Variants in CREB3L3 observed in about 807,000 individuals in gnomAD.
CREB3L3 encodes the protein cyclic AMP-responsive element-binding protein 3-like protein 3.
A neutral mutation model predicts 44.6 loss-of-function variants in CREB3L3; 40 were observed. The ratio of observed to expected loss-of-function variants is 0.90; its 90% CI spans 0.70 to 1.17. CREB3L3 has a LOEUF of 1.17. Among genes scored for constraint, CREB3L3 ranks in the 50% most tolerant of loss-of-function variants. The pLI is 0.00. For missense variants in CREB3L3, 578 were observed against 595.8 expected (o/e 0.97, Z 0.31); for synonymous variants, 273 against 256.3 (o/e 1.06, Z -0.62).
intron 5 of CREB3L3, among the ~76,000 whole-genome samples, chr19:4,166,634 A>G (rs2145135908): frequency 6.6e-6 from 1 of 150,860 alleles, no homozygotes; most frequent in Admixed American, 6.6e-5. Context: ...GGCCTCAAGC[A>G]GTCCTCTGAC....
At chr19:4,159,532 C>CTCA in intron 3 of CREB3L3, 132 bp from the exon 4 acceptor site, 1 of 705,036 alleles carries the variant, frequency 1.4e-6, no homozygotes, top group Non-Finnish European at 2.6e-6. Context: ...GGACTCCAAA[C>CTCA]TCTGGCAGAA....
Position 4,164,581 on chromosome 19 carries a change from GAGA to G in CREB3L3, c.661_663del (p.Lys221del), listed in dbSNP as rs1411751544. 6.2e-7 allele frequency: 1 copy of G among 1,614,150 alleles called. No homozygotes were observed. The highest frequency in any genetic ancestry group is 1.1e-5 in the South Asian group (1 of 91,082). On this transcript the variant is annotated inframe_deletion, in exon 5 of 10. Transcript: ENST00000078445. The stretch of plus-strand genomic sequence containing the variant: ...TCAGGAGCTGGTGCTCACCGAGGAT[GAGA>G]AGAAGCTGCTGGCTAAAGAAGGCAT...
intron 5 of CREB3L3, 151 bp downstream of exon 5, chr19:4,164,791 C>A (rs2041704908): frequency 1.1e-6 from 1 of 948,974 alleles, no homozygotes; most frequent in Non-Finnish European, 1.6e-6. Flanking sequence ...TTGCTGCAAC[C>A]TCTGCCTCTC....
chr19:4,154,958 G>C lies in CREB3L3; in HGVS notation c.87G>C (p.Leu29=). The change falls in exon 2 of 10, where the codon CTG becomes CTC. Residue 29 remains leucine (L), a synonymous_variant. Transcript: ENST00000078445. Reference sequence around the variant, plus strand: ...ACAGCTTTGAGCTCCTGGATCTCCTGTTTGACCGGCAGGACGGCATCCTGA... The same window carrying C: ...ACAGCTTTGAGCTCCTGGATCTCCTCTTTGACCGGCAGGACGGCATCCTGA... ...PIDSFELLDL[L]FDRQDGILRH... 1 of 1,613,586 alleles carries C rather than the reference G, an allele frequency of 6.2e-7. No individual in the cohort carries two copies. Among genetic ancestry groups the C allele is most frequent in the Non-Finnish European group, 8.5e-7 (1 of 1,180,022 alleles).
At chr19:4,163,012 A>G (rs976145667) in intron 4 of CREB3L3, among the ~76,000 whole-genome samples, 1 of 151,872 alleles carries the variant, frequency 6.6e-6, no homozygotes, top group Admixed American at 6.6e-5. Flanking sequence ...TGAAAAGAAG[A>G]AAGCTGTCAA....
In CREB3L3 at chr19:4,171,674, A is replaced by G. The variant is rs751495738; in HGVS notation, c.1091A>G (p.His364Arg). 1 of 1,613,232 alleles carries G rather than the reference A, an allele frequency of 6.2e-7. No homozygotes were observed. Among genetic ancestry groups the G allele is most frequent in the Non-Finnish European group, 8.5e-7 (1 of 1,179,988 alleles). The change falls in exon 10 of 10, where the codon CAC (histidine) becomes CGC (arginine). Residue 364 changes from histidine to arginine, a missense_variant. By Grantham distance (29) the His-to-Arg change is conservative (BLOSUM62 0). Transcript: ENST00000078445. The surrounding 1 kb of genome is among the most constrained non-coding windows in gnomAD (Gnocchi z 4.9). ...CAATCAGTGTTCTCCAGAACTTTGC[A>G]CAACGATGCTGCCTCCCGCGTGGCT... Reference protein sequence around the residue: ...APVRVFSRTLHNDAASRVAAD... With the variant: ...APVRVFSRTLRNDAASRVAAD...
At position 4,154,963 on chromosome 19, in the gene CREB3L3, A is replaced by G; in HGVS notation, c.92A>G (p.Asp31Gly). Residue 31 changes from aspartate to glycine, a missense_variant, in exon 2 of 10, where the codon GAC becomes GGC. Transcript: ENST00000078445. ...TTTGAGCTCCTGGATCTCCTGTTTG[A>G]CCGGCAGGACGGCATCCTGAGACAC... ...DSFELLDLLF[D>G]RQDGILRHVE... is the part of the protein sequence containing the mutation. 6.2e-7 allele frequency: 1 copy of G among 1,613,248 alleles called. No homozygotes were observed. Among genetic ancestry groups the G allele is most frequent in the Non-Finnish European group, 8.5e-7 (1 of 1,179,998 alleles).
At position 4,172,052 on chromosome 19, in the gene CREB3L3, T is replaced by C; in HGVS notation, c.*83T>C. On this transcript the variant is annotated 3_prime_UTR_variant, in exon 10 of 10. Coordinates refer to ENST00000078445, the MANE Select transcript of CREB3L3 (RefSeq NM_032607.3). ...CACTGGGCAGCTACCCACCTGGGGA[T>C]GGGACGTGAGGCCAAGACCCCAGCA... 1 of 1,384,592 alleles carries C rather than the reference T, an allele frequency of 7.2e-7. No individual in the cohort carries two copies. The highest frequency in any genetic ancestry group is 9.7e-7 in the Non-Finnish European group (1 of 1,034,800). 85.8% of individuals were successfully genotyped at this position (1,384,592 alleles called of 1,614,324 possible).
At chr19:4,168,744 G>T (rs939032910) in intron 6 of CREB3L3, among the ~76,000 whole-genome samples, 2 of 152,006 alleles carry the variant, frequency 1.3e-5, no homozygotes, top group Non-Finnish European at 2.9e-5. Flanking sequence ...CTTCCTTTTT[G>T]TGTGTGTGGA....
In CREB3L3 at chr19:4,172,787, C is replaced by T; in HGVS notation, c.*818C>T. The T allele has an allele frequency of 5.3e-6, 1 of 189,686 alleles. No individual in the cohort carries two copies. Among genetic ancestry groups the T allele is most frequent in the South Asian group, 8.3e-5 (1 of 12,096 alleles). 11.8% of individuals were successfully genotyped at this position (189,686 alleles called of 1,614,324 possible). On this transcript the variant is annotated 3_prime_UTR_variant, in exon 10 of 10. Transcript: ENST00000078445. ...CAGACAGAGAGACAGGCAGACACAG[C>T]CTAAAACAGACCTGGACAGACAGGC...
chr19:4,164,452 A>G lies in CREB3L3; in HGVS notation c.577-51A>G, dbSNP rs1270449899. On this transcript the variant is annotated intron_variant, in intron 4 of 9. Coordinates refer to ENST00000078445, the MANE Select transcript of CREB3L3 (RefSeq NM_032607.3). ...ATCTGATACCTCTTTCATTTCCTGA[A>G]GGCAGTTGGCGTCCCTGCACCCGCC... The G allele has an allele frequency of 1.9e-6, 3 of 1,611,066 alleles. No individual in the cohort carries two copies. The Admixed American group carries it at 5.0e-5, about 27-fold the overall frequency.
At chr19:4,165,547 C>T (rs1356178397) in intron 5 of CREB3L3, among the ~76,000 whole-genome samples, 7 of 151,970 alleles carry the variant, frequency 4.6e-5, no homozygotes, top group South Asian at 2.1e-4. Flanking sequence ...TTTTTCTGAC[C>T]GGTAGATTTT....
chr19:4,157,415 A>T, intron 3 of CREB3L3, 120 bp downstream of exon 3: 1 of 1,120,008 alleles, frequency 8.9e-7, no homozygotes, highest in South Asian at 1.3e-5. Context: ...AGCAATTTGG[A>T]GCTGGGCCCA....
intron 6 of CREB3L3, among the ~76,000 whole-genome samples, chr19:4,169,775 T>C (rs1967002660): frequency 1.3e-5 from 2 of 151,780 alleles, no homozygotes; most frequent in Non-Finnish European, 1.5e-5. Flanking sequence ...AATTTTGCAT[T>C]TTTAGTACAG....
At position 4,159,276 on chromosome 19, in the gene CREB3L3, G is replaced by A. The variant is rs374835231; in HGVS notation, c.458-388G>A. Among the ~76,000 whole-genome samples the A allele has an allele frequency of 4.6e-5, 7 of 151,856 alleles. No homozygotes were observed. The East Asian group carries it at 1.2e-3, about 25-fold the overall frequency. On this transcript the variant is annotated intron_variant, in intron 3 of 9. Coordinates refer to ENST00000078445, the MANE Select transcript of CREB3L3 (RefSeq NM_032607.3). ...AGTGATTCTCCTGCCTCAGCCTCCC[G>A]AGCAGCTGGGATTACAGGTGCACGC...
intron 4 of CREB3L3, chr19:4,164,299 G>A: frequency 1.6e-6 from 1 of 637,694 alleles, no homozygotes; most frequent in South Asian, 1.7e-5. Flanking sequence ...GTAGAGACGA[G>A]GTTTCATCAT....
At chr19:4,170,693 A>G (rs1967024260) in intron 7 of CREB3L3, among the ~76,000 whole-genome samples, 1 of 151,716 alleles carries the variant, frequency 6.6e-6, no homozygotes. Flanking sequence ...GCGGATCACA[A>G]GGTCGGGAGA....
At chr19:4,155,597 C>A (rs1250169628) in intron 2 of CREB3L3, among the ~76,000 whole-genome samples, 10 of 151,502 alleles carry the variant, frequency 6.6e-5, no homozygotes, top group Non-Finnish European at 1.3e-4. Flanking sequence ...ACCTTGTGAT[C>A]CACCCACCTC....
chr19:4,170,591 G>T (rs1967022068), intron 7 of CREB3L3, among the ~76,000 whole-genome samples: 1 of 151,236 alleles, frequency 6.6e-6, no homozygotes, highest in Non-Finnish European at 1.5e-5. Flanking sequence ...CAGCCTGGGT[G>T]ACAGAGCAAG....
Sources: allele counts gnomAD v4.1 joint callset (sites outside exome capture counted in the v4.1 genomes callset), GRCh38; gene constraint gnomAD v4.1.1; non-coding constraint Gnocchi (gnomAD v3.1); transcripts MANE v1.5; gene names NCBI Gene and HGNC (gene_info 2026-07-23, HGNC 2026-07-21).